Variants in NBPF15 observed in about 807,000 individuals in gnomAD.
NBPF15 encodes NBPF family member NBPF15.
A neutral mutation model predicts 62.2 loss-of-function variants in NBPF15; 74 were observed. That is an observed-to-expected ratio of 1.19 (90% CI 0.99 to 1.44). The LOEUF is 1.44. Ranked by LOEUF, NBPF15 falls within the 40% of genes most tolerant of loss-of-function variation. The pLI is 0.00. For missense variants in NBPF15, 790 were observed against 550.0 expected (o/e 1.44, Z -4.36); for synonymous variants, 244 against 209.7 (o/e 1.16, Z -1.41).
In NBPF15 at chr1:144,450,852, A is replaced by G. The variant is rs1233704853; in HGVS notation, c.-413T>C. ...TCAGGCACTTGAGTAGTGTGGCTTTACTGTTATCAATCACATTTCTGAAAG... is the reference window on the plus strand; with the variant it reads ...TCAGGCACTTGAGTAGTGTGGCTTTGCTGTTATCAATCACATTTCTGAAAG... On this transcript the variant is annotated 5_prime_UTR_variant, in exon 5 of 22. Coordinates refer to ENST00000581897, the MANE Select transcript of NBPF15 (RefSeq NM_001385408.1). 1 of 865,718 alleles carries G rather than the reference A, an allele frequency of 1.2e-6. No homozygotes were observed. The highest frequency in any genetic ancestry group is 1.2e-4 in the East Asian group (1 of 8,254). 53.6% of individuals were successfully genotyped at this position (865,718 alleles called of 1,614,324 possible).
Position 144,439,970 on chromosome 1 carries a change from T to C in NBPF15, c.34A>G (p.Lys12Glu), listed in dbSNP as rs1681597260. The C allele has an allele frequency of 6.2e-7, 1 of 1,610,658 alleles. No individual in the cohort carries two copies. Among genetic ancestry groups the C allele is most frequent in the Non-Finnish European group, 8.5e-7 (1 of 1,178,532 alleles). ...ATTTCTAGAATGTTCATCTCTGCCTTCTCGCTGGACAAAGGGCCGGCTGAT... is the reference window on the plus strand; with the variant it reads ...ATTTCTAGAATGTTCATCTCTGCCTCCTCGCTGGACAAAGGGCCGGCTGAT... The part of the protein sequence containing the change: ...VVSAGPLSSE[K>E]AEMNILEINE... The change falls in exon 8 of 22, where the codon AAG (lysine) becomes GAG (glutamate). Residue 12 changes from lysine to glutamate, a missense_variant. Coordinates refer to ENST00000581897, the MANE Select transcript of NBPF15 (RefSeq NM_001385408.1).
At chr1:144,438,678 C>T (rs1680518397) in intron 8 of NBPF15, among the ~76,000 whole-genome samples, 1 of 151,822 alleles carries the variant, frequency 6.6e-6, no homozygotes. Flanking sequence ...TTACTGTGTG[C>T]CAATAAATGT....
chr1:144,443,437 G>C (rs1685028499), intron 6 of NBPF15, among the ~76,000 whole-genome samples: 1 of 151,030 alleles, frequency 6.6e-6, no homozygotes, highest in Admixed American at 6.6e-5. Context: ...CTTATTCTAG[G>C]TTCTTTGATT....
At position 144,421,587 on chromosome 1, in the gene NBPF15, G is replaced by A. The variant is rs28717078; in HGVS notation, c.*1426C>T. 6.0e-5 allele frequency: 9 copies of A among 149,918 alleles called. No individual in the cohort carries two copies. The highest frequency in any genetic ancestry group is 1.2e-4 in the Non-Finnish European group (8 of 67,164). 9.3% of individuals were successfully genotyped at this position (149,918 alleles called of 1,614,324 possible). ...AGAATGTTTTCTTCTTTTTGCAACA[G>A]CAGACACTAGTAAAAACAAAGGCAC... On this transcript the variant is annotated 3_prime_UTR_variant, in exon 22 of 22. Coordinates refer to ENST00000581897, the MANE Select transcript of NBPF15 (RefSeq NM_001385408.1).
chr1:144,452,330 A>G (rs1691705404), intron 4 of NBPF15, among the ~76,000 whole-genome samples: 1 of 152,024 alleles, frequency 6.6e-6, no homozygotes, highest in South Asian at 2.1e-4. Flanking sequence ...AAGGAGAGCC[A>G]TAAACAGGAC....
rs1192181077 is a variant in NBPF15, at chr1:144,438,116, A to G, written c.176-69T>C. 4.6e-5 allele frequency: 70 copies of G among 1,535,478 alleles called. 1 individual carries two copies. The East Asian group carries it at 7.6e-4, about 17-fold the overall frequency. The stretch of plus-strand genomic sequence containing the variant: ...TGCTGCTGTGGTCATTGCCTACAGG[A>G]CAGGAGCCAGGTCCATCCCAAGGAC... On this transcript the variant is annotated intron_variant, in intron 8 of 21. Transcript: ENST00000581897.
In NBPF15 at chr1:144,426,989, G is replaced by T; in HGVS notation, c.1265+58C>A. ...ATTGAACACACTCTTGTTTTCCCTG[G>T]ACCTGGCATCTCCAGGTGTCAACAC... On this transcript the variant is annotated intron_variant, in intron 17 of 21. Coordinates refer to ENST00000581897, the MANE Select transcript of NBPF15 (RefSeq NM_001385408.1). The T allele has an allele frequency of 1.5e-5, 11 of 748,850 alleles. 1 individual carries two copies. In the South Asian group the frequency reaches 1.5e-4, roughly 10 times the overall value. 46.4% of individuals were successfully genotyped at this position (748,850 alleles called of 1,614,324 possible). A position where few individuals can be genotyped will look rare whatever the true frequency, so the allele number is the denominator to read the frequency against.
intron 6 of NBPF15, among the ~76,000 whole-genome samples, chr1:144,447,988 T>A (rs587634714): frequency 2.0e-4 from 30 of 152,138 alleles, no homozygotes; most frequent in African/African-American, 6.7e-4. Context: ...TGTCGGCTGC[T>A]CATTTGTCCA....
chr1:144,426,814 G>A, intron 17 of NBPF15, among the ~76,000 whole-genome samples: 1 of 150,866 alleles, frequency 6.6e-6, no homozygotes, highest in Non-Finnish European at 1.5e-5. Flanking sequence ...AAGATTCCAT[G>A]CAGTTGCCAT....
chr1:144,422,918 T>G lies in NBPF15; in HGVS notation c.*95A>C. ...CATGCTCACTGACCCATCCTATGTCTGGGCTTCCAAATGGAACTGTACTTT... is the reference window on the plus strand; with the variant it reads ...CATGCTCACTGACCCATCCTATGTCGGGGCTTCCAAATGGAACTGTACTTT... On this transcript the variant is annotated 3_prime_UTR_variant, in exon 22 of 22. Coordinates refer to ENST00000581897, the MANE Select transcript of NBPF15 (RefSeq NM_001385408.1). 1.9e-6 allele frequency: 3 copies of G among 1,610,846 alleles called. No homozygotes were observed. The highest frequency in any genetic ancestry group is 2.5e-6 in the Non-Finnish European group (3 of 1,179,232).
At chr1:144,439,684 T>C in intron 8 of NBPF15, 145 bp downstream of exon 8, 3 of 679,818 alleles carry the variant, frequency 4.4e-6, no homozygotes, top group South Asian at 3.7e-5. Flanking sequence ...CTTCCAACTT[T>C]AACAAAATGT....
rs1653200525 is a variant in NBPF15, at chr1:144,461,641, G to C, written c.-1198C>G. On this transcript the variant is annotated 5_prime_UTR_variant, in exon 1 of 22. Coordinates refer to ENST00000581897, the MANE Select transcript of NBPF15 (RefSeq NM_001385408.1). ...ATAGCCTGCGCCAGCTGGCTCCTCA[G>C]GGTCCCGCCCGGCGCGTCAGGAGAG... The C allele has an allele frequency of 6.6e-6, 1 of 152,548 alleles. No individual in the cohort carries two copies. Among genetic ancestry groups the C allele is most frequent in the South Asian group, 2.1e-4 (1 of 4,828 alleles). The allele number at this position is 152,548 out of a possible 1,614,324, so 9.4% of individuals were successfully genotyped here. A position where few individuals can be genotyped will look rare whatever the true frequency, so the allele number is the denominator to read the frequency against.
At chr1:144,455,925 G>T (rs1369362934) in intron 4 of NBPF15, among the ~76,000 whole-genome samples, 3 of 152,018 alleles carry the variant, frequency 2.0e-5, no homozygotes, top group African/African-American at 7.2e-5. Flanking sequence ...GGGGAACCAA[G>T]AATTCCACTG....
At chr1:144,441,060 A>G (rs1571139885) in intron 6 of NBPF15, among the ~76,000 whole-genome samples, 1 of 151,898 alleles carries the variant, frequency 6.6e-6, no homozygotes, top group Non-Finnish European at 1.5e-5. Flanking sequence ...GTAATATCCT[A>G]TTGATTGTAT....
intron 12 of NBPF15, among the ~76,000 whole-genome samples, chr1:144,434,566 A>C (rs1290919005): frequency 6.8e-6 from 1 of 147,436 alleles, no homozygotes; most frequent in African/African-American, 2.6e-5. Flanking sequence ...TTGCATTGAC[A>C]GGGTGGAGAA....
At chr1:144,434,499 G>A (rs1215118797) in intron 12 of NBPF15, among the ~76,000 whole-genome samples, 15 of 93,522 alleles carry the variant, frequency 1.6e-4, no homozygotes, top group African/African-American at 1.9e-4. Context: ...AGACTCCATC[G>A]CAAAAAAAAA....
intron 12 of NBPF15, among the ~76,000 whole-genome samples, 166 bp downstream of exon 12, chr1:144,434,945 C>G (rs1307398954): frequency 2.0e-5 from 3 of 151,948 alleles, no homozygotes; most frequent in African/African-American, 7.3e-5. Context: ...GACTGGCAGA[C>G]AAAGGCATGA....
chr1:144,426,919 C>T, intron 17 of NBPF15, 128 bp downstream of exon 17: 1 of 584,172 alleles, frequency 1.7e-6, no homozygotes, highest in Non-Finnish European at 3.0e-6. Flanking sequence ...TGAAAACCAA[C>T]AGCAATGTCA....
intron 20 of NBPF15, among the ~76,000 whole-genome samples, chr1:144,424,223 G>C (rs587613121): frequency 9.5e-4 from 144 of 152,068 alleles, no homozygotes; most frequent in African/African-American, 3.4e-3. Flanking sequence ...TCCCAAGTTT[G>C]TGCAAACAGT....
Sources: allele counts gnomAD v4.1 joint callset (sites outside exome capture counted in the v4.1 genomes callset), GRCh38; gene constraint gnomAD v4.1.1; transcripts MANE v1.5; gene names NCBI Gene and HGNC (gene_info 2026-07-23, HGNC 2026-07-21).